Variants in KIF11 observed in about 807,000 individuals in gnomAD.
KIF11 encodes the protein kinesin-like protein KIF11.
KIF11 carries 9 observed loss-of-function variants against 121.0 expected under a neutral mutation model. The ratio of observed to expected loss-of-function variants is 0.07; its 90% confidence interval spans 0.04 to 0.13. KIF11 has a LOEUF of 0.13. Ranked by LOEUF, KIF11 falls within the 10% of genes least tolerant of loss-of-function variation. The probability of loss-of-function intolerance (pLI) is 1.00; values close to 1 mark genes in which losing one functional copy is unlikely to be tolerated. For synonymous variants in KIF11, 408 were observed against 421.0 expected, an observed-to-expected ratio of 0.97 and a Z score of 0.38; for missense variants, 846 against 1,217.5, an observed-to-expected ratio of 0.69 and a Z score of 4.54.
chr10:92,617,984 C>T (rs1354322316), intron 9 of KIF11, among the ~76,000 whole-genome samples: 4 of 152,182 alleles, frequency 2.6e-5, no homozygotes, highest in East Asian at 1.9e-4. Context: ...GTAATCTGCC[C>T]GCCTCAGCCT....
chr10:92,598,251 C>G (rs755191922), intron 1 of KIF11, among the ~76,000 whole-genome samples: 1 of 152,054 alleles, frequency 6.6e-6, no homozygotes, highest in Non-Finnish European at 1.5e-5. Context: ...CATTTTTGAT[C>G]CATTTTGAGT....
chr10:92,637,625 T>G (rs943875142), intron 16 of KIF11, 80 bp downstream of exon 16: 2 of 1,366,362 alleles, frequency 1.5e-6, no homozygotes, highest in Non-Finnish European at 2.0e-6. Flanking sequence ...TAATCTATGT[T>G]ACACAATCTG....
chr10:92,600,150 G>A (rs1278809917), intron 1 of KIF11, among the ~76,000 whole-genome samples: 1 of 151,202 alleles, frequency 6.6e-6, no homozygotes, highest in African/African-American at 2.4e-5. Context: ...GATTATAGGC[G>A]CTCGCCACCA....
At chr10:92,620,103 CGGA>C (rs945217269) in intron 9 of KIF11, among the ~76,000 whole-genome samples, 6 of 126,326 alleles carry the variant, frequency 4.7e-5, no homozygotes, top group Admixed American at 4.7e-4. Context: ...TTTTTTGAGA[CGGA>C]GTCTCGCTCT....
chr10:92,638,145 A>T (rs1405387759), intron 16 of KIF11, among the ~76,000 whole-genome samples: 1 of 152,210 alleles, frequency 6.6e-6, no homozygotes, highest in Non-Finnish European at 1.5e-5. Context: ...TATTCTTAAG[A>T]CTTTAATAAT....
At chr10:92,626,945 G>A (rs921596188) in intron 10 of KIF11, among the ~76,000 whole-genome samples, 1 of 152,004 alleles carries the variant, frequency 6.6e-6, no homozygotes, top group Non-Finnish European at 1.5e-5. Flanking sequence ...TTGTATTTTA[G>A]TAGAGACAGG....
At chr10:92,644,340 G>C (rs748787163) in intron 17 of KIF11, among the ~76,000 whole-genome samples, 44 of 152,134 alleles carry the variant, frequency 2.9e-4, no homozygotes, top group Middle Eastern at 6.8e-3. Flanking sequence ...ATTTGAGACA[G>C]AGTCTTGCTC....
chr10:92,613,977 A>C lies in KIF11; in HGVS notation c.1032+358A>C, dbSNP rs1844523493. Among the ~76,000 whole-genome samples, 1 of 145,180 alleles carries C rather than the reference A, an allele frequency of 6.9e-6. No homozygotes were observed. The highest frequency in any genetic ancestry group is 2.5e-5 in the African/African-American group (1 of 39,334). On this transcript the variant is annotated intron_variant, in intron 8 of 21. Transcript: ENST00000260731. This position sits in a 1 kb window ranked among gnomAD's most constrained non-coding sequence, Gnocchi z 4.2. The stretch of plus-strand genomic sequence containing the variant: ...GGTGGCAGAGGGAGACCCCATCTCA[A>C]AAAAAAAAAAGTATGTGTATAAAAA...
At position 92,646,068 on chromosome 10, in the gene KIF11, C is replaced by T. The variant is rs189190455; in HGVS notation, c.2547+426C>T. On this transcript the variant is annotated intron_variant, in intron 18 of 21. Coordinates refer to ENST00000260731, the MANE Select transcript of KIF11 (RefSeq NM_004523.4). The stretch of plus-strand genomic sequence containing the variant: ...CCAAGTTCAAGCGATTCTCCTGCCT[C>T]AGCCTCTCGAGTAGTTGGGATTATA... 1.5e-3 allele frequency among the ~76,000 whole-genome samples: 220 copies of T among 151,672 alleles called. 1 individual carries two copies. Among genetic ancestry groups the T allele is most frequent in the Middle Eastern group, 6.8e-3 (2 of 294 alleles).
At chr10:92,653,563 GT>G (rs772963900) in intron 21 of KIF11, 101 bp from the exon 22 acceptor site, 131 of 1,183,646 alleles carry the variant, frequency 1.1e-4, no homozygotes, top group Non-Finnish European at 1.5e-4. Flanking sequence ...CTACACTTAA[GT>G]TTTTTTGCCT....
intron 1 of KIF11, among the ~76,000 whole-genome samples, chr10:92,603,585 C>G (rs1844399375): frequency 6.6e-6 from 1 of 152,262 alleles, no homozygotes; most frequent in South Asian, 2.1e-4. Context: ...CTTCTGACCT[C>G]AAGTGATCTG....
rs1043404768 is a variant in KIF11, at chr10:92,633,627, T to C, written c.1707T>C (p.Asn569=). 2.5e-6 allele frequency: 4 copies of C among 1,599,106 alleles called. No individual in the cohort carries two copies. The highest frequency in any genetic ancestry group is 1.7e-5 in the Admixed American group (1 of 58,654). ...TTCTGTTTTTGTTTGTTATAGGTAA[T>C]CTGCTGTCTTCCAGTGTCTCTGCAT... ...MLEVHKTLFG[N]LLSSSVSALD... The change falls in exon 14 of 22, where the codon AAT becomes AAC. Residue 569 remains asparagine, a synonymous_variant. Transcript: ENST00000260731.
intron 4 of KIF11, among the ~76,000 whole-genome samples, chr10:92,608,446 G>GT (rs201301664): frequency 0.021 from 3,181 of 148,698 alleles, 46 homozygotes; most frequent in Admixed American, 0.053. Flanking sequence ...TGAACTTGGC[G>GT]TTTTTTTTTT....
In KIF11 at chr10:92,645,467, C is replaced by A; in HGVS notation, c.2372C>A (p.Thr791Lys). The A allele has an allele frequency of 6.2e-7, 1 of 1,613,924 alleles. No individual in the cohort carries two copies. The highest frequency in any genetic ancestry group is 8.5e-7 in the Non-Finnish European group (1 of 1,179,886). Residue 791 changes from threonine to lysine, a missense_variant, in exon 18 of 22, where the codon ACA (threonine) becomes AAA (lysine). Physicochemically the swap from Thr to Lys is moderately conservative, Grantham distance 78. Around this residue, in one of 5 missense-constraint regions of KIF11, gnomAD observed 492 missense variants for 603.4 expected, o/e 0.82. Coordinates refer to ENST00000260731, the MANE Select transcript of KIF11 (RefSeq NM_004523.4). ...CTCAGAAATTTTAACCAAGAAGGTA[C>A]AAAATTGGTTGAAGAATCTGTGAAA... ...QELRNFNQEG[T>K]KLVEESVKHS...
chr10:92,599,335 G>A (rs1043725960), intron 1 of KIF11, among the ~76,000 whole-genome samples: 3 of 151,532 alleles, frequency 2.0e-5, no homozygotes, highest in African/African-American at 7.3e-5. Context: ...GGCCAGCCTG[G>A]CCAACATAGT....
rs954861750 is a variant in KIF11, at chr10:92,594,426, C to T, written c.77+974C>T. 2.0e-5 allele frequency among the ~76,000 whole-genome samples: 3 copies of T among 152,174 alleles called. No individual in the cohort carries two copies. The South Asian group carries it at 6.2e-4, about 31-fold the overall frequency. ...TCTTAAGTCTAGCCAGTGACACTTA[C>T]TAGTTGTTGTACTCTGGGGCTTCTG... On this transcript the variant is annotated intron_variant, in intron 1 of 21. Transcript: ENST00000260731.
At chr10:92,646,112 C>T (rs1324783525) in intron 18 of KIF11, among the ~76,000 whole-genome samples, 6 of 151,920 alleles carry the variant, frequency 3.9e-5, no homozygotes, top group African/African-American at 9.7e-5. Context: ...CCACCACACC[C>T]GGCTAATTTT....
intron 12 of KIF11, 55 bp from the exon 13 acceptor site, chr10:92,632,426 CTTTCA>C: frequency 9.1e-7 from 1 of 1,100,594 alleles, no homozygotes; most frequent in Non-Finnish European, 1.4e-6. Context: ...TGTGTAGATA[CTTTCA>C]TCAGATTCCT....
At chr10:92,650,293 A>T in intron 20 of KIF11, 108 bp from the exon 21 acceptor site, 1 of 691,582 alleles carries the variant, frequency 1.4e-6, no homozygotes, top group South Asian at 1.8e-5. Flanking sequence ...GTTGAGGTTT[A>T]ACTTTTATAT....
Sources: gnomAD v4.1 joint callset for allele counts (sites outside exome capture counted in the v4.1 genomes callset) on GRCh38, gnomAD v4.1.1 for gene constraint, gnomAD v4.1.1 regional missense constraint, Gnocchi (gnomAD v3.1) non-coding constraint, MANE v1.5 for transcripts, NCBI Gene and HGNC (gene_info 2026-07-23, HGNC 2026-07-21) for gene names.